Variants in ZMYM5 observed in about 807,000 individuals in gnomAD.
The protein encoded by ZMYM5 is zinc finger MYM-type protein 5.
Under a neutral mutation model 61.8 loss-of-function variants are expected in ZMYM5, and 41 were observed. The observed-to-expected ratio is 0.66, with a 90% CI of 0.52 to 0.86. ZMYM5 has a LOEUF of 0.86. ZMYM5 is among the 40% of genes least tolerant of loss of function. The probability of loss-of-function intolerance (pLI) is 0.00; values close to 1 mark genes in which losing one functional copy is unlikely to be tolerated. For missense variants in ZMYM5, 706 were observed against 786.7 expected (o/e 0.90, Z 1.23); for synonymous variants, 257 against 276.4 (o/e 0.93, Z 0.70).
At chr13:19,827,987 C>G (rs1488090121) in intron 7 of ZMYM5, among the ~76,000 whole-genome samples, 1 of 134,692 alleles carries the variant, frequency 7.4e-6, no homozygotes, top group Admixed American at 8.4e-5. Context: ...CCACTGCACT[C>G]CAGCCTGGGC....
In ZMYM5 at chr13:19,831,810, A is replaced by C. The variant is rs75533074; in HGVS notation, c.1251+3667T>G. ...CTCAAAAAAAAAAAAAAAAAAAAAA[A>C]AAAACCATATGTATAGGTGTATGTC... is the stretch of plus-strand genomic sequence containing the variant. On this transcript the variant is annotated intron_variant, in intron 7 of 7. Transcript: ENST00000337963. 1.8e-3 allele frequency among the ~76,000 whole-genome samples: 274 copies of C among 150,756 alleles called. 1 individual carries two copies. The highest frequency in any genetic ancestry group is 6.3e-3 in the African/African-American group (258 of 41,008).
chr13:19,834,629 T>G (rs1243599609), intron 7 of ZMYM5, among the ~76,000 whole-genome samples: 1 of 152,166 alleles, frequency 6.6e-6, no homozygotes, highest in Non-Finnish European at 1.5e-5. Context: ...AATTATCAAG[T>G]GCTTAGTGGG....
chr13:19,834,306 G>GA (rs34609697), intron 7 of ZMYM5, among the ~76,000 whole-genome samples: 2 of 151,230 alleles, frequency 1.3e-5, no homozygotes, highest in East Asian at 3.9e-4. Flanking sequence ...AAAAACAGAA[G>GA]AAAAAAAATT....
chr13:19,857,113 A>T (rs776572475), intron 2 of ZMYM5, among the ~76,000 whole-genome samples: 4 of 152,046 alleles, frequency 2.6e-5, no homozygotes, highest in Non-Finnish European at 5.9e-5. Flanking sequence ...CTCAAAACGA[A>T]AACAAAAACA....
At position 19,835,559 on chromosome 13, in the gene ZMYM5, TTAC is replaced by T. The variant is rs760645318; in HGVS notation, c.1166_1168del (p.Ser389del). 7.3e-7 allele frequency: 1 copy of T among 1,367,608 alleles called. No individual in the cohort carries two copies. The highest frequency in any genetic ancestry group is 1.5e-5 in the African/African-American group (1 of 67,760). The allele number at this position is 1,367,608 out of a possible 1,614,324, so 84.7% of individuals were successfully genotyped here. On this transcript the variant is annotated inframe_deletion, in exon 7 of 8. Coordinates refer to ENST00000337963, the MANE Select transcript of ZMYM5 (RefSeq NM_001142684.2). The stretch of plus-strand genomic sequence containing the variant: ...CACCAGGATGTTGTTTCCAGTACTC[TTAC>T]TAGGCATGTACTCTCCACAGTGTTC...
chr13:19,837,079 T>G (rs1432411094), intron 6 of ZMYM5, among the ~76,000 whole-genome samples: 1 of 151,780 alleles, frequency 6.6e-6, no homozygotes, highest in Non-Finnish European at 1.5e-5. Context: ...TCACCCAGGC[T>G]GGAGTACAGT....
Position 19,835,554 on chromosome 13 carries a change from T to C in ZMYM5, c.1174A>G (p.Thr392Ala), listed in dbSNP as rs1952647786. 8 of 1,367,730 alleles carry C rather than the reference T, an allele frequency of 5.8e-6. No individual in the cohort carries two copies. The highest frequency in any genetic ancestry group is 7.8e-6 in the Non-Finnish European group (8 of 1,021,862). The allele number at this position is 1,367,730 out of a possible 1,614,324, so 84.7% of individuals were successfully genotyped here. ...HCGEYMPSKSTGNNILVIGGQ... is the reference protein window; with the variant it reads ...HCGEYMPSKSAGNNILVIGGQ... ...CCAATCACCAGGATGTTGTTTCCAG[T>C]ACTCTTACTAGGCATGTACTCTCCA... The change falls in exon 7 of 8, where the codon ACT (threonine) becomes GCT (alanine). Residue 392 changes from threonine to alanine, a missense_variant. Physicochemically the swap from Thr to Ala is moderately conservative, Grantham distance 58. Around this residue, in one of 2 missense-constraint regions of ZMYM5, gnomAD observed 480 missense variants for 461.7 expected, o/e 1.04. Coordinates refer to ENST00000337963, the MANE Select transcript of ZMYM5 (RefSeq NM_001142684.2).
chr13:19,845,131 CTAAA>C (rs1953031951), intron 4 of ZMYM5, among the ~76,000 whole-genome samples: 1 of 152,094 alleles, frequency 6.6e-6, no homozygotes. Flanking sequence ...TAACAAACTA[CTAAA>C]TGACATATAA....
chr13:19,853,589 G>A (rs1054440120), intron 2 of ZMYM5, among the ~76,000 whole-genome samples: 1 of 151,604 alleles, frequency 6.6e-6, no homozygotes, highest in African/African-American at 2.4e-5. Flanking sequence ...CACCACAACA[G>A]GCGTGGCCTC....
intron 2 of ZMYM5, among the ~76,000 whole-genome samples, chr13:19,856,660 T>A: frequency 6.9e-6 from 1 of 145,928 alleles, no homozygotes. Flanking sequence ...AAAAAAAAAA[T>A]TGATTCACGC....
Position 19,852,022 on chromosome 13 carries a change from A to ATCT in ZMYM5, c.156_158dup (p.Glu52dup). On this transcript the variant is annotated inframe_insertion, in exon 3 of 8. Transcript: ENST00000337963. ...ACACAACATCATCATCATCATCATC[A>ATCT]TCTTCCACTGGTGAGTTCCTAGATC... 1.4e-5 allele frequency: 23 copies of ATCT among 1,613,888 alleles called. No homozygotes were observed. The highest frequency in any genetic ancestry group is 1.9e-5 in the Non-Finnish European group (23 of 1,179,984).
intron 4 of ZMYM5, among the ~76,000 whole-genome samples, chr13:19,850,698 TAAATA>T (rs994512843): frequency 1.6e-4 from 24 of 152,236 alleles, no homozygotes; most frequent in Middle Eastern, 3.4e-3. Context: ...TAAATAATTA[TAAATA>T]AAATAAAATC....
chr13:19,831,817 A>G (rs954521947), intron 7 of ZMYM5, among the ~76,000 whole-genome samples: 5 of 128,420 alleles, frequency 3.9e-5, no homozygotes, highest in African/African-American at 1.4e-4. Context: ...AAAAAAAACC[A>G]TATGTATAGG....
At chr13:19,837,245 C>T (rs1163505324) in intron 6 of ZMYM5, among the ~76,000 whole-genome samples, 1 of 152,116 alleles carries the variant, frequency 6.6e-6, no homozygotes, top group Non-Finnish European at 1.5e-5. Flanking sequence ...TCTCGAACTC[C>T]TGACTTCAAG....
intron 2 of ZMYM5, among the ~76,000 whole-genome samples, chr13:19,860,729 T>A (rs1953715208): frequency 6.6e-6 from 1 of 151,886 alleles, no homozygotes; most frequent in African/African-American, 2.4e-5. Flanking sequence ...TGAGCCACCA[T>A]GCCCAGCCAA....
chr13:19,852,261 G>T lies in ZMYM5; in HGVS notation c.-10-71C>A, dbSNP rs951963166. The T allele has an allele frequency of 1.3e-5, 19 of 1,416,822 alleles. No individual in the cohort carries two copies. The African/African-American group carries it at 2.6e-4, about 19-fold the overall frequency. The allele number at this position is 1,416,822 out of a possible 1,614,324, so 87.8% of individuals were successfully genotyped here. A position where few individuals can be genotyped will look rare whatever the true frequency, so the allele number is the denominator to read the frequency against. On this transcript the variant is annotated intron_variant, in intron 2 of 7. Transcript: ENST00000337963. The stretch of plus-strand genomic sequence containing the variant: ...TTTTGCATTTTACTACAATAAAATA[G>T]CACAAGCAAATTTTTCAAATTATTT...
chr13:19,843,927 G>A (rs1952983734), intron 4 of ZMYM5, among the ~76,000 whole-genome samples: 1 of 151,784 alleles, frequency 6.6e-6, no homozygotes, highest in South Asian at 2.1e-4. Context: ...AAGGTCAGGG[G>A]ATCGGACCAT....
At chr13:19,844,909 C>T (rs760310944) in intron 4 of ZMYM5, among the ~76,000 whole-genome samples, 1 of 152,198 alleles carries the variant, frequency 6.6e-6, no homozygotes, top group East Asian at 1.9e-4. Context: ...AGGCGTCAGC[C>T]ATCGCACCCC....
intron 2 of ZMYM5, among the ~76,000 whole-genome samples, chr13:19,860,892 G>A (rs575940220): frequency 1.9e-4 from 28 of 151,314 alleles, no homozygotes; most frequent in African/African-American, 6.3e-4. Flanking sequence ...GGTGGGGGGG[G>A]GGGAATTGTA....
Sources: allele counts gnomAD v4.1 joint callset (sites outside exome capture counted in the v4.1 genomes callset), GRCh38; gene constraint gnomAD v4.1.1; regional missense constraint gnomAD v4.1.1; transcripts MANE v1.5; gene names NCBI Gene and HGNC (gene_info 2026-07-23, HGNC 2026-07-21).